TMOD1: variants seen among roughly 807,000 people sequenced by gnomAD.
TMOD1 encodes the protein tropomodulin-1.
In TMOD1, 17 loss-of-function variants were observed where a neutral mutation model predicts 40.6. That is an observed-to-expected ratio of 0.42 (90% CI 0.29 to 0.63). The LOEUF is 0.63. Ranked by LOEUF, TMOD1 falls within the 20% of genes least tolerant of loss-of-function variation. TMOD1 has a pLI of 0.22. For missense variants in TMOD1, 391 were observed against 447.6 expected (o/e 0.87, Z 1.14); for synonymous variants, 181 against 175.0 (o/e 1.03, Z -0.27).
chr9:97,563,869 C>T (rs1830678537), intron 5 of TMOD1, among the ~76,000 whole-genome samples, 169 bp from the exon 6 acceptor site: 1 of 152,204 alleles, frequency 6.6e-6, no homozygotes, highest in Non-Finnish European at 1.5e-5. Flanking sequence ...CTCCTGGCTC[C>T]CTTGCGGGGC....
chr9:97,600,787 G>A lies in TMOD1; in HGVS notation c.*1089G>A. ...CACCCCAAGATGATTACACTGAAAT[G>A]TAGTATTAGTACTGCTGCCAGATCT... is the stretch of plus-strand genomic sequence containing the variant. On this transcript the variant is annotated 3_prime_UTR_variant, in exon 10 of 10. Transcript: ENST00000259365. 9.8e-7 allele frequency: 1 copy of A among 1,022,626 alleles called. No homozygotes were observed. The highest frequency in any genetic ancestry group is 1.2e-6 in the Non-Finnish European group (1 of 851,662). The allele number at this position is 1,022,626 out of a possible 1,614,324, so 63.3% of individuals were successfully genotyped here.
intron 8 of TMOD1, among the ~76,000 whole-genome samples, chr9:97,570,227 A>G (rs956724353): frequency 2.0e-5 from 3 of 152,158 alleles, no homozygotes; most frequent in African/African-American, 7.2e-5. Flanking sequence ...TCCCTTCCCA[A>G]CCATAACCCT....
In TMOD1 at chr9:97,596,077, AAAG is replaced by A. The variant is rs370055704; in HGVS notation, c.1016-3548_1016-3546del. Among the ~76,000 whole-genome samples the A allele has an allele frequency of 8.5e-4, 129 of 152,144 alleles. No individual in the cohort carries two copies. The East Asian group carries it at 8.7e-3, about 10-fold the overall frequency. On this transcript the variant is annotated intron_variant, in intron 9 of 9. Coordinates refer to ENST00000259365, the MANE Select transcript of TMOD1 (RefSeq NM_003275.4). ...CAACAAGAAAACTCCATCAAAAAAA[AAAG>A]AAGAAGAAAAAAAGAAAAGGCTACT...
At chr9:97,589,574 C>T (rs975263982) in intron 8 of TMOD1, among the ~76,000 whole-genome samples, 12 of 152,038 alleles carry the variant, frequency 7.9e-5, no homozygotes, top group Non-Finnish European at 1.2e-4. Context: ...CCACTGTGCC[C>T]GGCCGGAACT....
chr9:97,510,220 GC>G (rs1317964649), intron 1 of TMOD1, among the ~76,000 whole-genome samples: 2 of 148,328 alleles, frequency 1.3e-5, no homozygotes, highest in African/African-American at 5.0e-5. Flanking sequence ...AATTCCACAA[GC>G]TTTCCTACAA....
rs574609174 is a variant in TMOD1, at chr9:97,546,673, G to A, written c.277+332G>A. Among the ~76,000 whole-genome samples, 10 of 152,088 alleles carry A rather than the reference G, an allele frequency of 6.6e-5. No individual in the cohort carries two copies. In the East Asian group the frequency reaches 1.5e-3, roughly 24 times the overall value. ...AGTAAAAGAAGAAACTGTTAATAAC[G>A]ACATCAGGACTTTGGGAGACCGAGG... On this transcript the variant is annotated intron_variant, in intron 3 of 9. Coordinates refer to ENST00000259365, the MANE Select transcript of TMOD1 (RefSeq NM_003275.4).
At position 97,573,611 on chromosome 9, in the gene TMOD1, G is replaced by C. The variant is rs191702795; in HGVS notation, c.870+4574G>C. ...TCTGAGGGCCAGGAATCCAGGAGCA[G>C]TGTGGCTGGCTGACTTCGCCCAGAG... On this transcript the variant is annotated intron_variant, in intron 8 of 9. Coordinates refer to ENST00000259365, the MANE Select transcript of TMOD1 (RefSeq NM_003275.4). Among the ~76,000 whole-genome samples the C allele has an allele frequency of 1.9e-3, 287 of 152,326 alleles. 4 individuals are homozygous for C. Among genetic ancestry groups the C allele is most frequent in the African/African-American group, 6.6e-3 (274 of 41,570 alleles).
chr9:97,508,413 C>T (rs888847442), intron 1 of TMOD1, among the ~76,000 whole-genome samples: 8 of 152,132 alleles, frequency 5.3e-5, no homozygotes, highest in Admixed American at 5.2e-4. Flanking sequence ...TGGTCTCGAA[C>T]TCCTGACCTC....
Position 97,593,248 on chromosome 9 carries a change from C to T in TMOD1, c.1015+1813C>T, listed in dbSNP as rs577355533. ...TCTAGATGAGCAGAGGTCACAGGTG[C>T]TGCAGGGGGATACCAGCATCATCTA... On this transcript the variant is annotated intron_variant, in intron 9 of 9. Coordinates refer to ENST00000259365, the MANE Select transcript of TMOD1 (RefSeq NM_003275.4). Among the ~76,000 whole-genome samples, 11 of 152,262 alleles carry T rather than the reference C, an allele frequency of 7.2e-5. 1 individual carries two copies. In the South Asian group the frequency reaches 2.1e-3, roughly 29 times the overall value.
chr9:97,513,024 A>C lies in TMOD1; in HGVS notation c.-48-11117A>C, dbSNP rs890441626. 6.6e-6 allele frequency: 1 copy of C among 152,192 alleles called. No individual in the cohort carries two copies. The highest frequency in any genetic ancestry group is 2.4e-5 in the African/African-American group (1 of 41,448). 9.4% of individuals were successfully genotyped at this position (152,192 alleles called of 1,614,324 possible). The stretch of plus-strand genomic sequence containing the variant: ...AGAGTTGAGCTCCAGCATAAAACCA[A>C]GCAAGACTGTCATTGCCCTTACTTT... On this transcript the variant is annotated intron_variant, in intron 1 of 9. Coordinates refer to ENST00000259365, the MANE Select transcript of TMOD1 (RefSeq NM_003275.4). This position sits in a 1 kb window ranked among gnomAD's most constrained non-coding sequence, Gnocchi z 4.1.
chr9:97,551,114 C>T (rs960495286), intron 3 of TMOD1, among the ~76,000 whole-genome samples: 2 of 150,242 alleles, frequency 1.3e-5, no homozygotes, highest in African/African-American at 4.9e-5. Flanking sequence ...ACCTCCACCT[C>T]CCGGGTTCAA....
chr9:97,504,998 G>C (rs183630537), intron 1 of TMOD1, among the ~76,000 whole-genome samples: 1 of 152,102 alleles, frequency 6.6e-6, no homozygotes, highest in Non-Finnish European at 1.5e-5. Context: ...GCACAATTCC[G>C]GGCCATTTCC....
intron 3 of TMOD1, among the ~76,000 whole-genome samples, chr9:97,548,956 C>G (rs954650941): frequency 6.6e-6 from 1 of 152,288 alleles, no homozygotes; most frequent in South Asian, 2.1e-4. Context: ...GCACTTCCCC[C>G]ACACCAGGCC....
At chr9:97,533,143 T>C (rs1176033571) in intron 2 of TMOD1, among the ~76,000 whole-genome samples, 1 of 152,244 alleles carries the variant, frequency 6.6e-6, no homozygotes, top group Admixed American at 6.5e-5. Flanking sequence ...GACAGCTTAT[T>C]TAAATGCACA....
intron 8 of TMOD1, among the ~76,000 whole-genome samples, chr9:97,573,723 G>A (rs1830858416): frequency 6.6e-6 from 1 of 152,140 alleles, no homozygotes. Context: ...GTGTGCACCC[G>A]GCCTAGGGCT....
At chr9:97,501,439 C>A (rs905052460), upstream of TMOD1, among the ~76,000 whole-genome samples, 6 of 152,132 alleles carry the variant, frequency 3.9e-5, no homozygotes, top group African/African-American at 1.4e-4. Flanking sequence ...CGGAGGAGAC[C>A]CAGGCAGGGG....
chr9:97,552,458 T>C (rs7868397), intron 3 of TMOD1, among the ~76,000 whole-genome samples: 120,709 of 152,174 alleles, frequency 0.79, 48,024 homozygotes, highest in Middle Eastern at 0.87. Flanking sequence ...CGTTTATTAT[T>C]GCTCTCCTTT....
chr9:97,509,881 GTTA>G (rs930991781), intron 1 of TMOD1, among the ~76,000 whole-genome samples: 1 of 151,972 alleles, frequency 6.6e-6, no homozygotes, highest in African/African-American at 2.4e-5. Flanking sequence ...AGTGAGTTTT[GTTA>G]TTATTTATAT....
intron 8 of TMOD1, among the ~76,000 whole-genome samples, chr9:97,572,274 A>G (rs1830830586): frequency 6.6e-6 from 1 of 152,152 alleles, no homozygotes. Context: ...CGGTACCCCC[A>G]GAGGAAAGCC....
Sources: allele counts gnomAD v4.1 joint callset (sites outside exome capture counted in the v4.1 genomes callset), GRCh38; gene constraint gnomAD v4.1.1; non-coding constraint Gnocchi (gnomAD v3.1); transcripts MANE v1.5; gene names NCBI Gene and HGNC (gene_info 2026-07-23, HGNC 2026-07-21).